Variants in SRCIN1 observed in about 807,000 individuals in gnomAD.
The protein encoded by SRCIN1 is P130Cas-associated protein.
In SRCIN1, 50 loss-of-function variants were observed where a neutral mutation model predicts 116.2. The ratio of observed to expected loss-of-function variants is 0.43; its 90% CI spans 0.34 to 0.54. The LOEUF (loss-of-function observed/expected upper bound fraction) is 0.54. Ranked by LOEUF, SRCIN1 falls within the 20% of genes least tolerant of loss-of-function variation. The pLI, the probability that SRCIN1 is intolerant of heterozygous loss-of-function variation, is 0.02. For missense variants in SRCIN1, 1,446 were observed against 1,672.0 expected, an observed-to-expected ratio of 0.86 and a Z score of 2.36; for synonymous variants, 736 against 750.0, an observed-to-expected ratio of 0.98 and a Z score of 0.30.
rs978751802 is a variant in SRCIN1, at chr17:38,562,972, A to G, written c.741-52T>C. The stretch of plus-strand genomic sequence containing the variant: ...ACCACCCATCCCCCAGCTGTGCACA[A>G]TGAGAAGGGATGGCTACTCCAGGCC... On this transcript the variant is annotated intron_variant, in intron 5 of 18. Transcript: ENST00000617146. The surrounding 1 kb of genome is among the most constrained non-coding windows in gnomAD (Gnocchi z 4.2). The G allele has an allele frequency of 1.5e-5, 22 of 1,424,736 alleles. No homozygotes were observed. The highest frequency in any genetic ancestry group is 4.7e-5 in the East Asian group (2 of 42,998). 88.3% of individuals were successfully genotyped at this position (1,424,736 alleles called of 1,614,324 possible).
intron 18 of SRCIN1, 51 bp from the exon 19 acceptor site, chr17:38,533,482 A>G: frequency 1.3e-6 from 2 of 1,527,990 alleles, no homozygotes; most frequent in Admixed American, 4.0e-5. Flanking sequence ...GAGCGCCTCC[A>G]TGCTGGCCCC....
At position 38,563,038 on chromosome 17, in the gene SRCIN1, C is replaced by A; in HGVS notation, c.741-118G>T. The A allele has an allele frequency of 1.1e-6, 1 of 907,306 alleles. No homozygotes were observed. The highest frequency in any genetic ancestry group is 1.5e-5 in the South Asian group (1 of 66,982). The allele number at this position is 907,306 out of a possible 1,614,324, so 56.2% of individuals were successfully genotyped here. A position where few individuals can be genotyped will look rare whatever the true frequency, so the allele number is the denominator to read the frequency against. On this transcript the variant is annotated intron_variant, in intron 5 of 18. Transcript: ENST00000617146. This position sits in a 1 kb window ranked among gnomAD's most constrained non-coding sequence, Gnocchi z 5.8. ...GCCAGAGGCACCGGGAGCCCCATCT[C>A]AGGCTGCCTGCACACACGCCCAGCA...
At position 38,605,647 on chromosome 17, in the gene SRCIN1, T is replaced by A. The variant is rs766375003; in HGVS notation, c.22+37A>T. 59 of 1,307,154 alleles carry A rather than the reference T, an allele frequency of 4.5e-5. 1 individual carries two copies. In the South Asian group the frequency reaches 8.3e-4, roughly 18 times the overall value. 81.0% of individuals were successfully genotyped at this position (1,307,154 alleles called of 1,614,324 possible). ...AACAGAAATACCTTCCACTTAAGCA[T>A]GGAGGCACATTAGGGAGGAGAGAGA... On this transcript the variant is annotated intron_variant, in intron 1 of 18. Transcript: ENST00000617146.
At chr17:38,597,241 G>C (rs2143443322) in intron 1 of SRCIN1, among the ~76,000 whole-genome samples, 1 of 152,350 alleles carries the variant, frequency 6.6e-6, no homozygotes, top group South Asian at 2.1e-4. Context: ...AGAACTTCCT[G>C]GATGAGGCAG....
chr17:38,571,068 C>T lies in SRCIN1; in HGVS notation c.325-2837G>A, dbSNP rs960521541. ...ACAGTCTCTTGGCCACTCAGTGTCT[C>T]TGGCGAAGAGAAACTGTGGTGGGGG... On this transcript the variant is annotated intron_variant, in intron 2 of 18. Transcript: ENST00000617146. 1.1e-3 allele frequency among the ~76,000 whole-genome samples: 165 copies of T among 152,330 alleles called. 2 individuals are homozygous for T. Among genetic ancestry groups the T allele is most frequent in the African/African-American group, 3.8e-3 (157 of 41,576 alleles).
Position 38,592,492 on chromosome 17 carries a change from A to C in SRCIN1, c.22+13192T>G, listed in dbSNP as rs147896274. Among the ~76,000 whole-genome samples the C allele has an allele frequency of 3.9e-4, 60 of 152,354 alleles. 1 individual carries two copies. The East Asian group carries it at 0.012, about 29-fold the overall frequency. On this transcript the variant is annotated intron_variant, in intron 1 of 18. Transcript: ENST00000617146. ...CATGTATGCATCCCCATGACCAAAC[A>C]GAACAGGCAGAAGGACACAGCAAGC...
At chr17:38,559,379 G>A in intron 10 of SRCIN1, 1 of 592,304 alleles carries the variant, frequency 1.7e-6, no homozygotes, top group South Asian at 2.0e-5. Context: ...GCCTTGGTGA[G>A]GAAGTGGAGG....
chr17:38,567,277 C>T (rs865783515), intron 3 of SRCIN1, among the ~76,000 whole-genome samples: 2 of 152,236 alleles, frequency 1.3e-5, no homozygotes, highest in Non-Finnish European at 2.9e-5. Flanking sequence ...GAAACCAAGG[C>T]TAAGAGGATA....
intron 18 of SRCIN1, among the ~76,000 whole-genome samples, chr17:38,540,772 T>TGTGTGA (rs60254439): frequency 6.7e-5 from 10 of 149,210 alleles, no homozygotes; most frequent in African/African-American, 2.5e-4. Flanking sequence ...TGTGTGTGTG[T>TGTGTGA]GACACACACA....
At chr17:38,533,941 G>T (rs376109001) in intron 18 of SRCIN1, among the ~76,000 whole-genome samples, 1 of 151,896 alleles carries the variant, frequency 6.6e-6, no homozygotes, top group African/African-American at 2.4e-5. Flanking sequence ...ATCCTCCCAG[G>T]GGGGAATAAA....
Position 38,558,149 on chromosome 17 carries a change from G to T in SRCIN1, c.2201+78C>A. 6.6e-7 allele frequency: 1 copy of T among 1,525,182 alleles called. No homozygotes were observed. Among genetic ancestry groups the T allele is most frequent in the Non-Finnish European group, 8.9e-7 (1 of 1,118,600 alleles). 94.5% of individuals were successfully genotyped at this position (1,525,182 alleles called of 1,614,324 possible). ...CCTGTGACTCAGAGGGAAGGGAGCT[G>T]CGCCTCCCAGGGAAACCAGGTTGCG... On this transcript the variant is annotated intron_variant, in intron 11 of 18. Transcript: ENST00000617146. The surrounding 1 kb of genome is among the most constrained non-coding windows in gnomAD (Gnocchi z 4.6).
chr17:38,586,829 G>T (rs1409883546), intron 1 of SRCIN1, among the ~76,000 whole-genome samples: 1 of 152,370 alleles, frequency 6.6e-6, no homozygotes, highest in Admixed American at 6.5e-5. Flanking sequence ...GTTGGTAAAC[G>T]AGTCAGAATC....
In SRCIN1 at chr17:38,560,391, T is replaced by C; in HGVS notation, c.1735A>G (p.Ser579Gly). The change falls in exon 8 of 19, where the codon AGC becomes GGC. Residue 579 changes from serine (S) to glycine (G), a missense_variant. By Grantham distance (56) the Ser-to-Gly change is moderately conservative. Transcript: ENST00000617146. ...GCGCTCTGCACCAGGCCTGTGAGGC[T>C]GGCAATCTGCTTCTCCATGGCCTCC... ...RMEAMEKQIA[S>G]LTGLVQSALL... The C allele has an allele frequency of 6.2e-7, 1 of 1,612,220 alleles. No individual in the cohort carries two copies. Among genetic ancestry groups the C allele is most frequent in the Non-Finnish European group, 8.5e-7 (1 of 1,179,222 alleles).
At position 38,568,107 on chromosome 17, in the gene SRCIN1, G is replaced by A. The variant is rs945994339; in HGVS notation, c.345+104C>T. On this transcript the variant is annotated intron_variant, in intron 3 of 18. Transcript: ENST00000617146. The surrounding 1 kb of genome is among the most constrained non-coding windows in gnomAD (Gnocchi z 4.5). ...CCACCGCCCATACCAGAAGGTGTCC[G>A]TGCAGATGCGCACCCCGGTGCAAAG... The A allele has an allele frequency of 2.9e-5, 41 of 1,396,424 alleles. No individual in the cohort carries two copies. Among genetic ancestry groups the A allele is most frequent in the East Asian group, 9.4e-5 (4 of 42,400 alleles). The allele number at this position is 1,396,424 out of a possible 1,614,324, so 86.5% of individuals were successfully genotyped here. A position where few individuals can be genotyped will look rare whatever the true frequency, so the allele number is the denominator to read the frequency against.
intron 1 of SRCIN1, among the ~76,000 whole-genome samples, chr17:38,605,230 C>T (rs1909292925): frequency 6.6e-6 from 1 of 151,594 alleles, no homozygotes; most frequent in Non-Finnish European, 1.5e-5. Context: ...GCCTTTGATG[C>T]ACCCCTCACT....
At chr17:38,595,493 G>A (rs891762187) in intron 1 of SRCIN1, among the ~76,000 whole-genome samples, 2 of 152,234 alleles carry the variant, frequency 1.3e-5, no homozygotes, top group Non-Finnish European at 2.9e-5. Flanking sequence ...TGGGATTACA[G>A]GCGTGAGCCA....
intron 18 of SRCIN1, 29 bp downstream of exon 18, chr17:38,543,794 T>G (rs1234139973): frequency 1.3e-6 from 2 of 1,598,278 alleles, no homozygotes; most frequent in East Asian, 4.5e-5. Flanking sequence ...AGAGTGGGCC[T>G]GGGTGGCCCC....
intron 2 of SRCIN1, among the ~76,000 whole-genome samples, chr17:38,573,837 C>T (rs1907243007): frequency 6.6e-6 from 1 of 152,266 alleles, no homozygotes; most frequent in Admixed American, 6.5e-5. Flanking sequence ...TGGGGGCAGA[C>T]ACATTCCTGT....
At chr17:38,559,981 C>T in intron 9 of SRCIN1, 73 bp downstream of exon 9, 11 of 1,403,988 alleles carry the variant, frequency 7.8e-6, no homozygotes, top group Non-Finnish European at 1.1e-5. Flanking sequence ...GTAGCTATTG[C>T]TTAATCCCCA....
Sources: allele counts gnomAD v4.1 joint callset (sites outside exome capture counted in the v4.1 genomes callset), GRCh38; gene constraint gnomAD v4.1.1; non-coding constraint Gnocchi (gnomAD v3.1); transcripts MANE v1.5; gene names NCBI Gene and HGNC (gene_info 2026-07-23, HGNC 2026-07-21).